Variants in CX3CL1 observed in about 807,000 individuals in gnomAD.
CX3CL1 encodes C-X3-C motif chemokine ligand 1.
CX3CL1 carries 1 observed loss-of-function variant against 14.1 expected under a neutral mutation model. The ratio of observed to expected loss-of-function variants is 0.07; its 90% CI spans 0.03 to 0.34. CX3CL1 has a LOEUF of 0.34. CX3CL1 is among the 10% of genes least tolerant of loss of function. The probability of loss-of-function intolerance (pLI) is 0.99; values close to 1 mark genes in which losing one functional copy is unlikely to be tolerated. For missense variants in CX3CL1, 505 were observed against 536.4 expected (o/e 0.94, Z 0.58); for synonymous variants, 255 against 229.6 (o/e 1.11, Z -1.00).
chr16:57,380,695 TA>T (rs2146513591), intron 2 of CX3CL1, among the ~76,000 whole-genome samples: 1 of 152,316 alleles, frequency 6.6e-6, no homozygotes, highest in Admixed American at 6.5e-5. Context: ...TGAGCCATTG[TA>T]ACCCTGGCTG....
At chr16:57,376,150 T>C (rs1902241701) in intron 1 of CX3CL1, among the ~76,000 whole-genome samples, 1 of 152,266 alleles carries the variant, frequency 6.6e-6, no homozygotes, top group African/African-American at 2.4e-5. Flanking sequence ...ATACTTTGTG[T>C]GCCTAATTTA....
rs111617240 is a variant in CX3CL1, at chr16:57,381,895, A to T, written c.192-135A>T. 2.7e-3 allele frequency: 2,541 copies of T among 939,508 alleles called. 50 individuals carry two copies. In the African/African-American group the frequency reaches 0.039, roughly 14 times the overall value. The allele number at this position is 939,508 out of a possible 1,614,324, so 58.2% of individuals were successfully genotyped here. ...TGCCCCAGCTGGTCAGTTGCCTCAC[A>T]GACGCTAAGTGGGAGGACAGGGTTT... On this transcript the variant is annotated intron_variant, in intron 2 of 2. Coordinates refer to ENST00000006053, the MANE Select transcript of CX3CL1 (RefSeq NM_002996.6).
intron 1 of CX3CL1, among the ~76,000 whole-genome samples, chr16:57,374,366 A>C (rs966895224): frequency 6.6e-6 from 1 of 151,432 alleles, no homozygotes; most frequent in Non-Finnish European, 1.5e-5. Flanking sequence ...TATATAACAA[A>C]CCTGCAGCTA....
intron 1 of CX3CL1, among the ~76,000 whole-genome samples, chr16:57,373,927 G>A (rs1373125906): frequency 6.6e-6 from 1 of 152,128 alleles, no homozygotes; most frequent in Non-Finnish European, 1.5e-5. Flanking sequence ...GGGCGGAGGA[G>A]GAGGATTACT....
In CX3CL1 at chr16:57,382,174, C is replaced by G. The variant is rs1388134842; in HGVS notation, c.336C>G (p.Pro112=). Residue 112 remains proline, a synonymous_variant, in exon 3 of 3, where the codon CCC becomes CCG. Transcript: ENST00000006053. This position sits in a 1 kb window ranked among gnomAD's most constrained non-coding sequence, Gnocchi z 6.9. ...TFEKQIGEVK[P]RTTPAAGGMD... ...AGAAGCAGATCGGCGAGGTGAAGCC[C>G]AGGACCACCCCTGCCGCCGGGGGAA... 6.2e-7 allele frequency: 1 copy of G among 1,613,706 alleles called. No individual in the cohort carries two copies. Among genetic ancestry groups the G allele is most frequent in the Non-Finnish European group, 8.5e-7 (1 of 1,179,932 alleles).
chr16:57,375,680 C>G (rs1243491892), intron 1 of CX3CL1, among the ~76,000 whole-genome samples: 1 of 152,224 alleles, frequency 6.6e-6, no homozygotes, highest in Non-Finnish European at 1.5e-5. Flanking sequence ...GGCAATGGCT[C>G]AAGCCCTCCC....
Position 57,382,283 on chromosome 16 carries a change from AG to A in CX3CL1, c.448del (p.Ala150ProfsTer12). ...GACTCCTTCTTCCCAGGAAGCACAG[AG>A]GGCCCTGGGGACCTCCCCAGAGCTG... The part of the protein sequence containing the change: ...EPTPSSQEAQ[R>X]ALGTSPELPT... On this transcript the variant is annotated frameshift_variant, in exon 3 of 3. Coordinates refer to ENST00000006053, the MANE Select transcript of CX3CL1 (RefSeq NM_002996.6). LOFTEE classifies it low-confidence loss of function (END_TRUNC). The surrounding 1 kb of genome is among the most constrained non-coding windows in gnomAD (Gnocchi z 6.9). 1 of 1,607,674 alleles carries A rather than the reference AG, an allele frequency of 6.2e-7. No homozygotes were observed. The highest frequency in any genetic ancestry group is 1.1e-5 in the South Asian group (1 of 90,830).
Position 57,380,976 on chromosome 16 carries a change from A to T in CX3CL1, c.192-1054A>T, listed in dbSNP as rs554452469. ...GTGCTCCTGCCGGACCTCTTTGCTG[A>T]TCAGTCAAGGCTTACTTCTCCAAGA... On this transcript the variant is annotated intron_variant, in intron 2 of 2. Transcript: ENST00000006053. Among the ~76,000 whole-genome samples the T allele has an allele frequency of 7.2e-5, 11 of 152,236 alleles. No homozygotes were observed. In the South Asian group the frequency reaches 1.0e-3, roughly 14 times the overall value.
chr16:57,375,519 A>G (rs1290181684), intron 1 of CX3CL1, among the ~76,000 whole-genome samples: 4 of 152,236 alleles, frequency 2.6e-5, no homozygotes, highest in Non-Finnish European at 4.4e-5. Flanking sequence ...GTCACTGTTG[A>G]GAAACCTTGC....
chr16:57,372,708 G>T, intron 1 of CX3CL1, 70 bp downstream of exon 1: 1 of 1,537,596 alleles, frequency 6.5e-7, no homozygotes, highest in Non-Finnish European at 8.9e-7. Flanking sequence ...CCTCAAGCCT[G>T]ACATCAGGGG....
intron 1 of CX3CL1, among the ~76,000 whole-genome samples, chr16:57,373,301 G>A (rs1276631636): frequency 3.3e-5 from 5 of 152,202 alleles, no homozygotes; most frequent in Non-Finnish European, 5.9e-5. Flanking sequence ...GGACCTGGTA[G>A]GGGTACATAA....
At chr16:57,375,183 G>C (rs981364347) in intron 1 of CX3CL1, among the ~76,000 whole-genome samples, 1 of 151,572 alleles carries the variant, frequency 6.6e-6, no homozygotes, top group Non-Finnish European at 1.5e-5. Context: ...GAAAAATAGA[G>C]AGGGGAGAAG....
Position 57,384,864 on chromosome 16 carries a change from G to C in CX3CL1, c.*1832G>C, listed in dbSNP as rs41444650. ...GCCCTGCCTCCTTTGTGAGGAAGCC[G>C]CTGGGGCCAGTTGGTCCCCCTTCCA... On this transcript the variant is annotated 3_prime_UTR_variant, in exon 3 of 3. Coordinates refer to ENST00000006053, the MANE Select transcript of CX3CL1 (RefSeq NM_002996.6). 1 of 152,286 alleles carries C rather than the reference G, an allele frequency of 6.6e-6. No homozygotes were observed. The highest frequency in any genetic ancestry group is 1.5e-5 in the Non-Finnish European group (1 of 68,052). 9.4% of individuals were successfully genotyped at this position (152,286 alleles called of 1,614,324 possible).
Position 57,382,853 on chromosome 16 carries a change from C to G in CX3CL1, c.1015C>G (p.Arg339Gly). The change falls in exon 3 of 3, where the codon CGG becomes GGG. Residue 339 changes from arginine to glycine, a missense_variant. Transcript: ENST00000006053. The surrounding 1 kb of genome is among the most constrained non-coding windows in gnomAD (Gnocchi z 6.9). ...TPVPDAQAAT[R>G]RQAVGLLAFL... ...TGTCCCTGACGCCCAGGCTGCCACC[C>G]GGAGGCAGGCGGTGGGGCTGCTGGC... The G allele has an allele frequency of 6.4e-7, 1 of 1,556,494 alleles. No homozygotes were observed. The highest frequency in any genetic ancestry group is 8.7e-7 in the Non-Finnish European group (1 of 1,147,294).
intron 1 of CX3CL1, among the ~76,000 whole-genome samples, chr16:57,375,311 A>C (rs1902232323): frequency 6.6e-6 from 1 of 152,158 alleles, no homozygotes; most frequent in Non-Finnish European, 1.5e-5. Context: ...AATGGTCCTC[A>C]GTGAGTAATT....
chr16:57,380,711 A>G (rs170361), intron 2 of CX3CL1, among the ~76,000 whole-genome samples: 118,490 of 152,022 alleles, frequency 0.78, 46,383 homozygotes, highest in Non-Finnish European at 0.81. Context: ...TGGCTGTTGA[A>G]GACCCTGGCA....
At chr16:57,373,593 C>T (rs1415751113) in intron 1 of CX3CL1, among the ~76,000 whole-genome samples, 1 of 152,192 alleles carries the variant, frequency 6.6e-6, no homozygotes, top group Non-Finnish European at 1.5e-5. Context: ...TCCCCACTGT[C>T]CAGATATTTC....
At chr16:57,380,699 C>A (rs1440723457) in intron 2 of CX3CL1, among the ~76,000 whole-genome samples, 1 of 152,056 alleles carries the variant, frequency 6.6e-6, no homozygotes, top group African/African-American at 2.4e-5. Flanking sequence ...CCATTGTAAC[C>A]CTGGCTGTTG....
rs1177624605 is a variant in CX3CL1 at position 57,383,820 on chromosome 16, T to G, written c.*788T>G. 6.6e-6 allele frequency: 1 copy of G among 152,572 alleles called. No homozygotes were observed. Among genetic ancestry groups the G allele is most frequent in the East Asian group, 1.9e-4 (1 of 5,204 alleles). 9.5% of individuals were successfully genotyped at this position (152,572 alleles called of 1,614,324 possible). A position where few individuals can be genotyped will look rare whatever the true frequency, so the allele number is the denominator to read the frequency against. ...ACCTGAGGCCCTTCTCTCCAGCCCC[T>G]GGATGCAGCCTCACAGTCCTTACCA... is the stretch of plus-strand genomic sequence containing the variant. On this transcript the variant is annotated 3_prime_UTR_variant, in exon 3 of 3. Transcript: ENST00000006053.
Sources: allele counts gnomAD v4.1 joint callset (sites outside exome capture counted in the v4.1 genomes callset), GRCh38; gene constraint gnomAD v4.1.1; non-coding constraint Gnocchi (gnomAD v3.1); transcripts MANE v1.5; gene names NCBI Gene and HGNC (gene_info 2026-07-23, HGNC 2026-07-21).